The following FAM168A variants were observed in gnomAD, a reference collection of about 807,000 sequenced individuals.
FAM168A encodes family with sequence similarity 168 member A.
A neutral mutation model predicts 28.5 loss-of-function variants in FAM168A; 3 were observed. The observed-to-expected ratio is 0.11, with a 90% CI of 0.05 to 0.27. FAM168A has a LOEUF of 0.27. Among genes scored for constraint, FAM168A ranks in the 10% least tolerant of loss-of-function variants. FAM168A has a pLI of 1.00. For synonymous variants in FAM168A, 122 were observed against 124.2 expected (o/e 0.98, Z 0.12); for missense variants, 222 against 311.5 (o/e 0.71, Z 2.16).
rs114633044 is a variant in FAM168A at position 73,424,490 on chromosome 11, C to T, written c.152-4491G>A. Among the ~76,000 whole-genome samples the T allele has an allele frequency of 8.7e-3, 1,323 of 151,710 alleles. 20 individuals carry two copies. The highest frequency in any genetic ancestry group is 0.031 in the African/African-American group (1,256 of 41,156). ...AGTTCTGGTCCCTCATTTATCAGCA[C>T]GCTGCCCCCCCCACCTCTCACCATC... On this transcript the variant is annotated intron_variant, in intron 3 of 7. Coordinates refer to ENST00000356467, the MANE Select transcript of FAM168A (RefSeq NM_015159.3).
intron 1 of FAM168A, among the ~76,000 whole-genome samples, chr11:73,480,750 A>C (rs956197833): frequency 6.6e-5 from 10 of 152,346 alleles, no homozygotes; most frequent in Admixed American, 5.9e-4. Context: ...ACAGAAGTTA[A>C]GTGATTTGTT....
intron 1 of FAM168A, among the ~76,000 whole-genome samples, chr11:73,477,826 A>G (rs910141001): frequency 6.6e-6 from 1 of 152,180 alleles, no homozygotes; most frequent in Admixed American, 6.6e-5. Context: ...AAAAAATACT[A>G]AAGAAATACT....
At chr11:73,570,189 G>A (rs1944069965) in intron 1 of FAM168A, among the ~76,000 whole-genome samples, 1 of 152,172 alleles carries the variant, frequency 6.6e-6, no homozygotes, top group Non-Finnish European at 1.5e-5. Flanking sequence ...TCTAATCACA[G>A]CTGCATCCCT....
chr11:73,586,428 A>AATC (rs1436583567), intron 1 of FAM168A, among the ~76,000 whole-genome samples: 1 of 152,124 alleles, frequency 6.6e-6, no homozygotes, highest in East Asian at 1.9e-4. Context: ...AAAAATAAAA[A>AATC]ATCATCATCA....
At chr11:73,584,632 C>A (rs1290252036) in intron 1 of FAM168A, among the ~76,000 whole-genome samples, 2 of 152,016 alleles carry the variant, frequency 1.3e-5, no homozygotes, top group African/African-American at 4.8e-5. Flanking sequence ...CGCCACCATG[C>A]CCGGCTAATT....
intron 1 of FAM168A, among the ~76,000 whole-genome samples, chr11:73,551,472 T>C (rs776846078): frequency 2.6e-5 from 4 of 152,224 alleles, no homozygotes; most frequent in Non-Finnish European, 4.4e-5. Flanking sequence ...TTCAGCTATA[T>C]AGCACAATTA....
chr11:73,579,677 T>C (rs541025263), intron 1 of FAM168A, among the ~76,000 whole-genome samples: 2 of 152,356 alleles, frequency 1.3e-5, no homozygotes, highest in South Asian at 4.1e-4. Flanking sequence ...TAAAAGCTAG[T>C]GGTAAGCAAT....
intron 1 of FAM168A, among the ~76,000 whole-genome samples, chr11:73,594,570 G>A (rs374538884): frequency 1.1e-4 from 16 of 152,022 alleles, no homozygotes; most frequent in African/African-American, 2.4e-4. Context: ...ACAGAGTTTC[G>A]CTCTTGTTGC....
intron 1 of FAM168A, among the ~76,000 whole-genome samples, chr11:73,534,657 C>A (rs1180640512): frequency 1.1e-5 from 1 of 87,298 alleles, no homozygotes; most frequent in Non-Finnish European, 2.2e-5. Context: ...GCCCCCTCAG[C>A]CTCCCAAAGT....
chr11:73,520,191 G>A (rs976631600), intron 1 of FAM168A, among the ~76,000 whole-genome samples: 8 of 151,790 alleles, frequency 5.3e-5, no homozygotes, highest in Admixed American at 2.0e-4. Flanking sequence ...GACTACAGGC[G>A]TGCACCACCA....
intron 3 of FAM168A, among the ~76,000 whole-genome samples, chr11:73,421,125 G>T (rs1030630677): frequency 1.3e-5 from 2 of 152,008 alleles, no homozygotes; most frequent in East Asian, 3.9e-4. Context: ...AGAAGGTGGG[G>T]CTGCATTGGC....
chr11:73,420,128 A>G, intron 3 of FAM168A, 129 bp from the exon 4 acceptor site: 1 of 1,054,346 alleles, frequency 9.5e-7, no homozygotes, highest in Middle Eastern at 3.1e-4. Flanking sequence ...GACACATGGG[A>G]TGGTCAGCCT....
chr11:73,448,539 C>T (rs1867366200), intron 2 of FAM168A, among the ~76,000 whole-genome samples: 1 of 152,180 alleles, frequency 6.6e-6, no homozygotes, highest in South Asian at 2.1e-4. Context: ...ACACCCTTTG[C>T]CCTTACCAAA....
chr11:73,408,563 G>C (rs1210343164), intron 6 of FAM168A, among the ~76,000 whole-genome samples: 2 of 152,044 alleles, frequency 1.3e-5, no homozygotes, highest in South Asian at 2.1e-4. Context: ...TGGATCCCTT[G>C]AGCCCAAGAG....
intron 1 of FAM168A, among the ~76,000 whole-genome samples, chr11:73,543,648 A>G (rs963849080): frequency 4.6e-5 from 7 of 152,200 alleles, no homozygotes; most frequent in Non-Finnish European, 1.0e-4. Flanking sequence ...GCCATTTTCT[A>G]GATATGCTAA....
At chr11:73,571,536 G>A (rs1384782949) in intron 1 of FAM168A, among the ~76,000 whole-genome samples, 6 of 152,166 alleles carry the variant, frequency 3.9e-5, no homozygotes, top group South Asian at 2.1e-4. Context: ...ACGGAGTCTC[G>A]TTCACTCAGT....
At chr11:73,511,559 A>ATTTTTTTTTTTTTTTTTTTTTTTTTTTTT (rs1396253362) in intron 1 of FAM168A, among the ~76,000 whole-genome samples, 4 of 152,204 alleles carry the variant, frequency 2.6e-5, no homozygotes, top group African/African-American at 9.6e-5. Context: ...TATGTAATGA[A>ATTTTTTTTTTTTTTTTTTTTTTTTTTTTT]TCTTAAGCTG....
intron 6 of FAM168A, among the ~76,000 whole-genome samples, chr11:73,407,865 A>G (rs1267404515): frequency 6.6e-6 from 1 of 152,160 alleles, no homozygotes; most frequent in Non-Finnish European, 1.5e-5. Flanking sequence ...TGACTATTCT[A>G]AGTCCTCCTT....
rs148063008 is a variant in FAM168A at position 73,407,316 on chromosome 11, G to A, written c.*18+197C>T. ...CTATTATTATTTCTGTTATTATTTA[G>A]ATTTCAACAAGCAGTCAACAGAAGT... is the stretch of plus-strand genomic sequence containing the variant. On this transcript the variant is annotated intron_variant, in intron 7 of 7. Transcript: ENST00000356467. 5.1e-3 allele frequency among the ~76,000 whole-genome samples: 783 copies of A among 152,280 alleles called. 8 individuals are homozygous for A. Among genetic ancestry groups the A allele is most frequent in the African/African-American group, 0.018 (752 of 41,560 alleles).
Sources: gnomAD v4.1 joint callset for allele counts (sites outside exome capture counted in the v4.1 genomes callset) on GRCh38, gnomAD v4.1.1 for gene constraint, MANE v1.5 for transcripts, NCBI Gene and HGNC (gene_info 2026-07-23, HGNC 2026-07-21) for gene names.